The following RAD54B variants were observed in gnomAD, a reference collection of about 807,000 sequenced individuals.
RAD54B encodes the protein RAD54 homolog B.
A neutral mutation model predicts 95.8 loss-of-function variants in RAD54B; 78 were observed. That is an observed-to-expected ratio of 0.81 (90% CI 0.68 to 0.98). RAD54B has a LOEUF of 0.98. Ranked by LOEUF, RAD54B falls within the 50% of genes least tolerant of loss-of-function variation. The pLI is 0.00. For synonymous variants in RAD54B, 328 were observed against 354.9 expected (o/e 0.92, Z 0.85); for missense variants, 957 against 1,056.6 (o/e 0.91, Z 1.31).
intron 3 of RAD54B, chr8:94,430,060 T>A (rs1166158034): frequency 1.0e-6 from 1 of 977,380 alleles, no homozygotes; most frequent in African/African-American, 1.8e-5. Context: ...AAGCCTGTAA[T>A]CCCAGCACTT....
intron 5 of RAD54B, among the ~76,000 whole-genome samples, chr8:94,406,127 A>G (rs1201045593): frequency 2.0e-5 from 3 of 152,036 alleles, no homozygotes; most frequent in Non-Finnish European, 2.9e-5. Context: ...TCACTCAACA[A>G]GTATTTCCTG....
intron 3 of RAD54B, among the ~76,000 whole-genome samples, chr8:94,424,661 C>T (rs1811900284): frequency 6.6e-6 from 1 of 152,136 alleles, no homozygotes. Context: ...AATTTCTTAA[C>T]TGTAAACTGG....
intron 3 of RAD54B, chr8:94,428,861 GA>G (rs1437537925): frequency 4.1e-6 from 4 of 980,520 alleles, no homozygotes; most frequent in Admixed American, 6.3e-5. Flanking sequence ...CAAAAAAGAA[GA>G]AAAAAAAAGG....
In RAD54B at chr8:94,376,719, TTTA is replaced by T. The variant is rs1200944818; in HGVS notation, c.2515+1458_2515+1460del. 2.0e-5 allele frequency among the ~76,000 whole-genome samples: 3 copies of T among 148,676 alleles called. No homozygotes were observed. In the East Asian group the frequency reaches 5.8e-4, roughly 29 times the overall value. ...TAATTATATATTGTGCATGATTATA[TTTA>T]TTATATTTAGTTATTAGTTATATAT... is the stretch of plus-strand genomic sequence containing the variant. On this transcript the variant is annotated intron_variant, in intron 14 of 14. Transcript: ENST00000336148.
intron 10 of RAD54B, among the ~76,000 whole-genome samples, chr8:94,389,273 C>T (rs1371084745): frequency 2.0e-5 from 3 of 152,190 alleles, no homozygotes; most frequent in Non-Finnish European, 4.4e-5. Flanking sequence ...GATCTTAATG[C>T]ACAAGTTCTT....
At chr8:94,387,394 A>T in intron 10 of RAD54B, 1 of 334,632 alleles carries the variant, frequency 3.0e-6, no homozygotes, top group Non-Finnish European at 5.4e-6. Flanking sequence ...TGCTACCTTC[A>T]CCCTGCAAGT....
chr8:94,458,710 T>C (rs1253853005), intron 2 of RAD54B, among the ~76,000 whole-genome samples: 1 of 151,962 alleles, frequency 6.6e-6, no homozygotes, highest in Non-Finnish European at 1.5e-5. Flanking sequence ...CTACTAAAAA[T>C]ATAAAAATTA....
chr8:94,399,107 A>AT (rs1811208969), intron 8 of RAD54B, among the ~76,000 whole-genome samples: 1 of 152,120 alleles, frequency 6.6e-6, no homozygotes, highest in Non-Finnish European at 1.5e-5. Flanking sequence ...GAGACACTAA[A>AT]TAATTTGCTC....
intron 3 of RAD54B, among the ~76,000 whole-genome samples, chr8:94,415,542 C>A: frequency 1.5e-5 from 2 of 134,092 alleles, no homozygotes; most frequent in Non-Finnish European, 3.2e-5. Context: ...TAAAGAGCTT[C>A]TGCACAGCAA....
At chr8:94,470,111 T>C (rs754518996) in intron 1 of RAD54B, among the ~76,000 whole-genome samples, 6 of 152,234 alleles carry the variant, frequency 3.9e-5, no homozygotes, top group Non-Finnish European at 7.3e-5. Flanking sequence ...ATTCCAATTC[T>C]GGCAATTTAA....
intron 3 of RAD54B, among the ~76,000 whole-genome samples, chr8:94,417,823 T>C (rs1387969949): frequency 6.6e-6 from 1 of 152,220 alleles, no homozygotes; most frequent in African/African-American, 2.4e-5. Context: ...TTCATGGATT[T>C]AGAAAGTGAG....
In RAD54B at chr8:94,399,488, C is replaced by T. The variant is rs746313459; in HGVS notation, c.1304G>A (p.Arg435His). 5.6e-6 allele frequency: 9 copies of T among 1,613,512 alleles called. No homozygotes were observed. Among genetic ancestry groups the T allele is most frequent in the African/African-American group, 2.7e-5 (2 of 74,892 alleles). ...FDLLICDEGH[R>H]LKNSAIKTTT... ...TGTCTTAATGGCACTGTTCTTCAAA[C>T]GATGCCCCTCGTCACAGATTAGAAG... The change falls in exon 8 of 15, where the codon CGT becomes CAT. Residue 435 changes from arginine to histidine, a missense_variant. Transcript: ENST00000336148.
chr8:94,432,010 T>G (rs1286297042), intron 3 of RAD54B: 1 of 1,313,558 alleles, frequency 7.6e-7, no homozygotes, highest in African/African-American at 1.5e-5. Context: ...ATCTAAAAAG[T>G]TTTTCCATAA....
At chr8:94,416,528 A>T (rs1005960021) in intron 3 of RAD54B, among the ~76,000 whole-genome samples, 1 of 151,654 alleles carries the variant, frequency 6.6e-6, no homozygotes, top group African/African-American at 2.4e-5. Flanking sequence ...ATAATAAAAA[A>T]AAAGAAAAAA....
intron 9 of RAD54B, chr8:94,393,527 T>TA (rs1460556164): frequency 4.7e-6 from 2 of 424,710 alleles, no homozygotes; most frequent in Non-Finnish European, 8.2e-6. Flanking sequence ...AACATTTTTA[T>TA]ATGTTTATTG....
chr8:94,410,272 C>T (rs184420925), intron 4 of RAD54B, among the ~76,000 whole-genome samples: 3 of 152,252 alleles, frequency 2.0e-5, no homozygotes, highest in African/African-American at 7.2e-5. Context: ...CTTTTATGCT[C>T]CCACTGCTTC....
At chr8:94,459,899 C>T (rs1479671157) in intron 2 of RAD54B, among the ~76,000 whole-genome samples, 1 of 151,534 alleles carries the variant, frequency 6.6e-6, no homozygotes, top group Non-Finnish European at 1.5e-5. Flanking sequence ...TGGCTCACAC[C>T]TGTAATCCCA....
chr8:94,431,175 A>C (rs988269387), intron 3 of RAD54B: 98 of 914,240 alleles, frequency 1.1e-4, no homozygotes, highest in Non-Finnish European at 1.2e-4. Flanking sequence ...TTCCATGAAT[A>C]CTAAAATAAC....
In RAD54B at chr8:94,467,499, G is replaced by C. The variant is rs939836944; in HGVS notation, c.41C>G (p.Ser14Cys). 1.9e-6 allele frequency: 3 copies of C among 1,613,430 alleles called. No individual in the cohort carries two copies. The African/African-American group carries it at 4.0e-5, about 22-fold the overall frequency. The change falls in exon 2 of 15, where the codon TCC becomes TGC. Residue 14 changes from serine to cysteine, a missense_variant. Transcript: ENST00000336148. ...AGGTATAAATTTTGGTTTTTTGAAG[G>C]AATTCCCCTGCAACTGACTTGGTGC... is the stretch of plus-strand genomic sequence containing the variant. ...SAAPSQLQGNSFKKPKFIPPG... is the reference protein window; with the variant it reads ...SAAPSQLQGNCFKKPKFIPPG...
Sources: gnomAD v4.1 joint callset for allele counts (sites outside exome capture counted in the v4.1 genomes callset) on GRCh38, gnomAD v4.1.1 for gene constraint, MANE v1.5 for transcripts, NCBI Gene and HGNC (gene_info 2026-07-23, HGNC 2026-07-21) for gene names.